MAGI1: variants seen among roughly 807,000 people sequenced by gnomAD.
MAGI1 encodes the protein membrane-associated guanylate kinase, WW and PDZ domain-containing protein 1.
Under a neutral mutation model 139.9 loss-of-function variants are expected in MAGI1, and 58 were observed. That is an observed-to-expected ratio of 0.41 (90% confidence interval 0.34 to 0.52). The LOEUF (loss-of-function observed/expected upper bound fraction) is 0.52, where lower values mean the gene tolerates loss of function less well. MAGI1 is among the 20% of genes least tolerant of loss of function. The pLI is 0.12. For synonymous variants in MAGI1, 812 were observed against 737.9 expected (o/e 1.10, Z -1.63); for missense variants, 1,874 against 1,901.6 (o/e 0.99, Z 0.27).
intron 9 of MAGI1, among the ~76,000 whole-genome samples, chr3:65,437,700 T>C (rs1045714183): frequency 3.3e-5 from 5 of 152,150 alleles, no homozygotes; most frequent in Non-Finnish European, 5.9e-5. Context: ...AAATGAGACC[T>C]ATTACAAATA....
At chr3:65,530,156 C>T (rs1454712667) in intron 2 of MAGI1, among the ~76,000 whole-genome samples, 4 of 152,162 alleles carry the variant, frequency 2.6e-5, no homozygotes, top group Non-Finnish European at 5.9e-5. Flanking sequence ...ACGCCATAAT[C>T]ATATCCAAGG....
intron 1 of MAGI1, among the ~76,000 whole-genome samples, chr3:65,791,550 G>A (rs2108070160): frequency 6.6e-6 from 1 of 152,220 alleles, no homozygotes; most frequent in East Asian, 1.9e-4. Flanking sequence ...ACAGAAAAGA[G>A]AAAGGGAGGG....
intron 1 of MAGI1, among the ~76,000 whole-genome samples, chr3:65,828,461 C>T (rs1313913267): frequency 6.6e-5 from 10 of 152,182 alleles, no homozygotes; most frequent in Admixed American, 5.9e-4. Flanking sequence ...ATTCTTTAAA[C>T]AGCCCCTTTT....
intron 1 of MAGI1, among the ~76,000 whole-genome samples, chr3:65,689,517 T>C (rs1365327319): frequency 1.3e-5 from 2 of 152,286 alleles, no homozygotes; most frequent in East Asian, 1.9e-4. Context: ...TCTACAATAA[T>C]AAAATATCCT....
intron 2 of MAGI1, among the ~76,000 whole-genome samples, chr3:65,497,244 G>C (rs1182072050): frequency 2.6e-5 from 4 of 151,988 alleles, no homozygotes; most frequent in Non-Finnish European, 5.9e-5. Flanking sequence ...AGAGTTTAGG[G>C]GAAAAAAAGC....
At chr3:65,688,561 G>A in intron 1 of MAGI1, 1 of 349,720 alleles carries the variant, frequency 2.9e-6, no homozygotes, top group Admixed American at 3.3e-5. Flanking sequence ...TATGGTGACA[G>A]ACATTTCCGT....
intron 1 of MAGI1, among the ~76,000 whole-genome samples, chr3:66,035,147 A>C (rs2068846808): frequency 6.6e-6 from 1 of 152,216 alleles, no homozygotes; most frequent in South Asian, 2.1e-4. Context: ...CTCCAACCTG[A>C]CAAAGGACTG....
At chr3:66,008,000 G>A (rs543351131) in intron 1 of MAGI1, among the ~76,000 whole-genome samples, 28 of 150,828 alleles carry the variant, frequency 1.9e-4, no homozygotes, top group African/African-American at 6.3e-4. Context: ...AGGTTCAAGC[G>A]ATTCTCTTGC....
Position 65,768,103 on chromosome 3 carries a change from C to T in MAGI1, c.314-146015G>A, listed in dbSNP as rs115553792. Among the ~76,000 whole-genome samples the T allele has an allele frequency of 6.3e-3, 955 of 152,264 alleles. 11 individuals carry two copies. The highest frequency in any genetic ancestry group is 0.022 in the African/African-American group (901 of 41,556). On this transcript the variant is annotated intron_variant, in intron 1 of 22. Coordinates refer to ENST00000402939, the MANE Select transcript of MAGI1 (RefSeq NM_001033057.2). ...CAAGCATTCTATTCCTACTGGCAAC[C>T]CTTTACACAAGTTGCTTAAAAAATT... is the stretch of plus-strand genomic sequence containing the variant.
intron 9 of MAGI1, among the ~76,000 whole-genome samples, chr3:65,439,494 T>C (rs1030878382): frequency 2.6e-4 from 40 of 152,150 alleles, no homozygotes; most frequent in Non-Finnish European, 4.9e-4. Flanking sequence ...ACATGTAATG[T>C]TCCTAAAATT....
chr3:65,614,506 G>A (rs1198031492), intron 2 of MAGI1, among the ~76,000 whole-genome samples: 1 of 152,080 alleles, frequency 6.6e-6, no homozygotes, highest in Non-Finnish European at 1.5e-5. Flanking sequence ...TGTAAGTAAT[G>A]TGTTTAACAG....
chr3:65,637,568 G>GAAAGAAAGAAAGAAAGAAAC (rs2084707643), intron 1 of MAGI1, among the ~76,000 whole-genome samples: 7 of 120,990 alleles, frequency 5.8e-5, no homozygotes, highest in African/African-American at 2.1e-4. Flanking sequence ...AAGAAAGAAA[G>GAAAGAAAGAAAGAAAGAAAC]AAAGAAAGAA....
Position 65,523,125 on chromosome 3 carries a change from A to C in MAGI1, c.431-29494T>G, listed in dbSNP as rs868700889. ...CTAAAGATGGAGTCTAAGCACACAT[A>C]TTATGTTTGCCAGAGTCTTTTATAC... On this transcript the variant is annotated intron_variant, in intron 2 of 22. Coordinates refer to ENST00000402939, the MANE Select transcript of MAGI1 (RefSeq NM_001033057.2). Among the ~76,000 whole-genome samples, 3 of 152,312 alleles carry C rather than the reference A, an allele frequency of 2.0e-5. No homozygotes were observed. The South Asian group carries it at 6.2e-4, about 32-fold the overall frequency.
At chr3:65,638,418 C>T (rs2084771792) in intron 1 of MAGI1, among the ~76,000 whole-genome samples, 1 of 151,734 alleles carries the variant, frequency 6.6e-6, no homozygotes, top group Admixed American at 6.6e-5. Context: ...TTCCATATCT[C>T]CAGACTGCAA....
chr3:65,395,612 G>A (rs1029688788), intron 13 of MAGI1, among the ~76,000 whole-genome samples: 1 of 69,734 alleles, frequency 1.4e-5, no homozygotes, highest in Admixed American at 1.6e-4. Context: ...ACTCCAGCCT[G>A]GGTGACAGAG....
In MAGI1 at chr3:65,468,052, C is replaced by T. The variant is rs1266237819; in HGVS notation, c.959+2231G>A. 2.6e-5 allele frequency among the ~76,000 whole-genome samples: 4 copies of T among 152,252 alleles called. No individual in the cohort carries two copies. The East Asian group carries it at 7.7e-4, about 29-fold the overall frequency. On this transcript the variant is annotated intron_variant, in intron 5 of 22. Transcript: ENST00000402939. ...TTACAACAGTCTGACAAGGTAGGTA[C>T]AATTCATAATATTCAAGTCCTCTTT...
At chr3:65,920,813 G>A (rs1197989907) in intron 1 of MAGI1, among the ~76,000 whole-genome samples, 2 of 152,094 alleles carry the variant, frequency 1.3e-5, no homozygotes, top group Non-Finnish European at 2.9e-5. Flanking sequence ...GGTGGATCAC[G>A]AGGTCAGGGG....
At chr3:65,447,784 T>C (rs1948766507) in intron 7 of MAGI1, among the ~76,000 whole-genome samples, 1 of 152,254 alleles carries the variant, frequency 6.6e-6, no homozygotes, top group African/African-American at 2.4e-5. Flanking sequence ...ACTCTCGTTC[T>C]AGTCTCTGTT....
chr3:65,504,331 C>T (rs2077194379), intron 2 of MAGI1, among the ~76,000 whole-genome samples: 1 of 152,188 alleles, frequency 6.6e-6, no homozygotes, highest in Non-Finnish European at 1.5e-5. Flanking sequence ...TTTAAAAAAT[C>T]TGTATTTAGG....
Sources: allele counts gnomAD v4.1 joint callset (sites outside exome capture counted in the v4.1 genomes callset), GRCh38; gene constraint gnomAD v4.1.1; transcripts MANE v1.5; gene names NCBI Gene and HGNC (gene_info 2026-07-23, HGNC 2026-07-21).